Variants in GPM6B observed in about 807,000 individuals in gnomAD.
GPM6B encodes glycoprotein M6B.
GPM6B carries 4 observed loss-of-function variants against 27.2 expected under a neutral mutation model. The observed-to-expected ratio is 0.15, with a 90% CI of 0.07 to 0.34. The LOEUF (loss-of-function observed/expected upper bound fraction) is 0.34. GPM6B is among the 10% of genes least tolerant of loss of function. The pLI is 1.00. For synonymous variants in GPM6B, 124 were observed against 103.1 expected (o/e 1.20, Z -1.23); for missense variants, 183 against 261.9 (o/e 0.70, Z 2.08).
chrX:13,788,650 C>T (rs898409493), intron 2 of GPM6B, among the ~76,000 whole-genome samples: 4 of 110,004 alleles, frequency 3.6e-5, no homozygotes, highest in Non-Finnish European at 7.6e-5. Flanking sequence ...CGCCCTTTAA[C>T]GATAGAACTC....
In GPM6B at chrX:13,861,039, CACACATATAT is replaced by C. The variant is rs1177551791; in HGVS notation, c.-197-75241_-197-75232del. Among the ~76,000 whole-genome samples the C allele has an allele frequency of 2.6e-4, 11 of 41,790 alleles. No homozygotes were observed. In the South Asian group the frequency reaches 0.013, roughly 48 times the overall value. 36.3% of individuals were successfully genotyped at this position (41,790 alleles called of 115,157 possible). On this transcript the variant is annotated intron_variant, in intron 1 of 6. Coordinates refer to the GPM6B transcript ENST00000398361. The stretch of plus-strand genomic sequence containing the variant: ...ACACACACACACACACACACACACA[CACACATATAT>C]ACATATATATACACATACATATATA...
intron 1 of GPM6B, among the ~76,000 whole-genome samples, chrX:13,847,323 A>G (rs1206923608): frequency 8.9e-6 from 1 of 112,281 alleles, no homozygotes; most frequent in East Asian, 2.8e-4. Context: ...TTCAAGATTT[A>G]CCAATGAGTT....
chrX:13,937,504 G>C (rs1921897402), intron 1 of GPM6B, among the ~76,000 whole-genome samples: 1 of 111,703 alleles, frequency 9.0e-6, no homozygotes, highest in Non-Finnish European at 1.9e-5. Flanking sequence ...TGACGTCCTC[G>C]TTAGGAATGC....
At chrX:13,774,570 G>A (rs1215375862) in intron 7 of GPM6B, 31 of 1,207,597 alleles carry the variant, frequency 2.6e-5, no homozygotes, top group East Asian at 5.9e-5. Context: ...CAATCTTCCC[G>A]ACTCTTAAAC....
intron 1 of GPM6B, among the ~76,000 whole-genome samples, chrX:13,883,744 C>T (rs1193949064): frequency 9.2e-6 from 1 of 108,422 alleles, no homozygotes; most frequent in Non-Finnish European, 1.9e-5. Flanking sequence ...ACCTGTAGTC[C>T]TAGCTACTAA....
intron 1 of GPM6B, among the ~76,000 whole-genome samples, chrX:13,836,394 A>G (rs183813949): frequency 7.5e-4 from 84 of 112,131 alleles, no homozygotes; most frequent in African/African-American, 2.5e-3. Context: ...ATGCATCTGG[A>G]TAAGTGAGCT....
chrX:13,934,153 A>G (rs776518902), intron 1 of GPM6B, among the ~76,000 whole-genome samples: 22 of 110,871 alleles, frequency 2.0e-4, no homozygotes, highest in Non-Finnish European at 3.8e-4. Flanking sequence ...TGTTTGTCAC[A>G]AACAGTACTC....
chrX:13,902,553 C>G (rs926975743), intron 1 of GPM6B, among the ~76,000 whole-genome samples: 2 of 110,789 alleles, frequency 1.8e-5, no homozygotes, highest in African/African-American at 6.6e-5. Context: ...TCATGAGACC[C>G]AGGTCTCTGC....
intron 1 of GPM6B, among the ~76,000 whole-genome samples, chrX:13,857,143 C>A (rs2049790795): frequency 9.0e-6 from 1 of 111,399 alleles, no homozygotes; most frequent in African/African-American, 3.3e-5. Context: ...ATTGGGCCCA[C>A]TGAGATAATC....
intron 1 of GPM6B, among the ~76,000 whole-genome samples, chrX:13,831,473 G>A (rs2049439058): frequency 9.0e-6 from 1 of 110,770 alleles, no homozygotes; most frequent in South Asian, 3.8e-4. Flanking sequence ...TCAGCAGGAT[G>A]GTTATAAGGA....
At chrX:13,866,271 G>A (rs1381106612) in intron 1 of GPM6B, among the ~76,000 whole-genome samples, 1 of 112,423 alleles carries the variant, frequency 8.9e-6, no homozygotes, top group Non-Finnish European at 1.9e-5. Context: ...GCTGAGGCAG[G>A]AGAATCACTT....
At chrX:13,847,577 A>G (rs1345643846) in intron 1 of GPM6B, among the ~76,000 whole-genome samples, 2 of 111,756 alleles carry the variant, frequency 1.8e-5, no homozygotes, top group African/African-American at 3.3e-5. Flanking sequence ...TTGGCCACTC[A>G]GCTATAAGTG....
chrX:13,862,774 C>G lies in GPM6B; in HGVS notation c.-198+75553G>C, dbSNP rs188674001. Among the ~76,000 whole-genome samples, 724 of 111,399 alleles carry G rather than the reference C, an allele frequency of 6.5e-3. 5 individuals carry two copies. The highest frequency in any genetic ancestry group is 0.011 in the Non-Finnish European group (568 of 53,070). On this transcript the variant is annotated intron_variant, in intron 1 of 6. Coordinates refer to the GPM6B transcript ENST00000398361. ...CAATCACGGCTCACTACAGCCTTGA[C>G]TTCCTGGGCTCAAGTGACCCTCCCA... is the stretch of plus-strand genomic sequence containing the variant.
At chrX:13,878,195 C>G (rs747300525) in intron 1 of GPM6B, among the ~76,000 whole-genome samples, 2 of 108,956 alleles carry the variant, frequency 1.8e-5, no homozygotes, top group Admixed American at 9.8e-5. Flanking sequence ...CAAACTCTTA[C>G]GAATATTCTA....
At chrX:13,802,166 AAACATAT>A (rs1380249245) in intron 2 of GPM6B, among the ~76,000 whole-genome samples, 2 of 95,685 alleles carry the variant, frequency 2.1e-5, no homozygotes, top group South Asian at 5.6e-4. Context: ...ATTTATATGA[AAACATAT>A]AACATAAGGG....
chrX:13,782,223 G>A (rs754054455), intron 4 of GPM6B, among the ~76,000 whole-genome samples: 16 of 111,877 alleles, frequency 1.4e-4, no homozygotes, highest in Non-Finnish European at 2.3e-4. Context: ...GGGGGCTTTC[G>A]ACTTTCTCCA....
At chrX:13,773,650 C>A (rs1044917196) in intron 7 of GPM6B, 2 of 111,189 alleles carry the variant, frequency 1.8e-5, no homozygotes, top group African/African-American at 6.5e-5. Context: ...TGTAAAAATC[C>A]TCAGTATCAT....
intron 1 of GPM6B, among the ~76,000 whole-genome samples, chrX:13,921,321 A>C (rs754588213): frequency 3.6e-5 from 4 of 112,231 alleles, no homozygotes; most frequent in Non-Finnish European, 5.6e-5. Flanking sequence ...CCAAATCCCA[A>C]ACCTTCCTAC....
chrX:13,891,365 G>A (rs1296859907), intron 1 of GPM6B, among the ~76,000 whole-genome samples: 2 of 110,999 alleles, frequency 1.8e-5, no homozygotes, highest in Non-Finnish European at 3.8e-5. Flanking sequence ...TAGTGCTTTC[G>A]GAGTCATGCT....
Sources: gnomAD v4.1 joint callset for allele counts (sites outside exome capture counted in the v4.1 genomes callset) on GRCh38, gnomAD v4.1.1 for gene constraint, MANE v1.5 for transcripts, NCBI Gene and HGNC (gene_info 2026-07-23, HGNC 2026-07-21) for gene names.